The following RETREG1 variants were observed in gnomAD, a reference collection of about 807,000 sequenced individuals.
RETREG1 encodes family with sequence similarity 134 member B.
RETREG1 carries 44 observed loss-of-function variants against 54.8 expected under a neutral mutation model. The observed-to-expected ratio is 0.80, with a 90% CI of 0.63 to 1.03. The LOEUF is 1.03. Among genes scored for constraint, RETREG1 ranks in the 50% least tolerant of loss-of-function variants. The pLI is 0.00. For missense variants in RETREG1, 554 were observed against 605.1 expected (o/e 0.92, Z 0.89); for synonymous variants, 217 against 238.5 (o/e 0.91, Z 0.83).
In RETREG1 at chr5:16,553,322, C is replaced by T. The variant is rs1042560983; in HGVS notation, c.458+12441G>A. Among the ~76,000 whole-genome samples, 7 of 59,642 alleles carry T rather than the reference C, an allele frequency of 1.2e-4. No individual in the cohort carries two copies. The East Asian group carries it at 1.6e-3, about 13-fold the overall frequency. 39.1% of individuals were successfully genotyped at this position (59,642 alleles called of 152,430 possible). On this transcript the variant is annotated intron_variant, in intron 3 of 8. Coordinates refer to ENST00000306320, the MANE Select transcript of RETREG1 (RefSeq NM_001034850.3). ...CAACACAACTGATCTTTTTAAAAAA[C>T]GTGTAAGAAAAAAAAACACTAGTCC... is the stretch of plus-strand genomic sequence containing the variant.
intron 1 of RETREG1, among the ~76,000 whole-genome samples, chr5:16,575,343 T>C (rs1464396026): frequency 6.6e-6 from 1 of 152,186 alleles, no homozygotes; most frequent in East Asian, 1.9e-4. Context: ...AACAGCATGC[T>C]TCCTTAGAAT....
intron 3 of RETREG1, among the ~76,000 whole-genome samples, chr5:16,506,447 C>T (rs1291537087): frequency 1.3e-5 from 2 of 151,668 alleles, no homozygotes; most frequent in Non-Finnish European, 2.9e-5. Context: ...GAGTCAAATT[C>T]CTGTTCCATT....
intron 1 of RETREG1, among the ~76,000 whole-genome samples, chr5:16,607,024 C>T (rs994057910): frequency 1.3e-5 from 2 of 151,870 alleles, no homozygotes; most frequent in Non-Finnish European, 2.9e-5. Context: ...TGGAACACTC[C>T]CCTCCAGAGT....
intron 2 of RETREG1, among the ~76,000 whole-genome samples, chr5:16,568,790 G>A (rs1254543414): frequency 1.3e-5 from 2 of 152,028 alleles, no homozygotes; most frequent in African/African-American, 2.4e-5. Context: ...CAACATGCAC[G>A]GGAAACAATA....
intron 2 of RETREG1, among the ~76,000 whole-genome samples, chr5:16,571,015 G>A (rs1010445195): frequency 2.6e-5 from 4 of 151,078 alleles, no homozygotes; most frequent in East Asian, 3.9e-4. Flanking sequence ...GGAAACACAC[G>A]AATATAAAAC....
intron 3 of RETREG1, among the ~76,000 whole-genome samples, chr5:16,492,229 T>TCTCTCA (rs1406702350): frequency 0.027 from 2,929 of 110,512 alleles, 119 homozygotes; most frequent in African/African-American, 0.086. Flanking sequence ...TCTCTCTCTC[T>TCTCTCA]CACACACACA....
At chr5:16,555,714 A>G (rs939935467) in intron 3 of RETREG1, among the ~76,000 whole-genome samples, 3 of 152,118 alleles carry the variant, frequency 2.0e-5, no homozygotes, top group Non-Finnish European at 4.4e-5. Flanking sequence ...ACAATTGGGG[A>G]AAAATTAAAG....
In RETREG1 at chr5:16,474,522, T is replaced by C. The variant is rs372254630; in HGVS notation, c.*219A>G. On this transcript the variant is annotated 3_prime_UTR_variant, in exon 9 of 9. Coordinates refer to ENST00000306320, the MANE Select transcript of RETREG1 (RefSeq NM_001034850.3). The stretch of plus-strand genomic sequence containing the variant: ...AACACAGTGGTGTGTATAAAGTTCA[T>C]TTCCATGCTTATTACACAAAAATAA... 14 of 593,766 alleles carry C rather than the reference T, an allele frequency of 2.4e-5. 2 individuals are homozygous for C. Among genetic ancestry groups the C allele is most frequent in the African/African-American group, 7.5e-5 (4 of 53,582 alleles). The allele number at this position is 593,766 out of a possible 1,614,324, so 36.8% of individuals were successfully genotyped here.
intron 3 of RETREG1, among the ~76,000 whole-genome samples, chr5:16,518,630 T>C (rs1054263976): frequency 6.6e-6 from 1 of 152,216 alleles, no homozygotes; most frequent in African/African-American, 2.4e-5. Context: ...CAGGGTTCCC[T>C]GTCCCTACAG....
chr5:16,550,042 T>C (rs1227143649), intron 3 of RETREG1, among the ~76,000 whole-genome samples: 5 of 152,166 alleles, frequency 3.3e-5, no homozygotes, highest in African/African-American at 4.8e-5. Flanking sequence ...TGCAGGATTA[T>C]AAGTCCTCTC....
At chr5:16,607,160 T>C (rs1391389306) in intron 1 of RETREG1, among the ~76,000 whole-genome samples, 1 of 152,212 alleles carries the variant, frequency 6.6e-6, no homozygotes, top group Non-Finnish European at 1.5e-5. Flanking sequence ...GTCCTTGCTT[T>C]AGTTTTCTTC....
At chr5:16,499,903 T>C (rs954805350) in intron 3 of RETREG1, among the ~76,000 whole-genome samples, 15 of 152,326 alleles carry the variant, frequency 9.8e-5, no homozygotes, top group Admixed American at 9.2e-4. Context: ...TGCAGTCTGG[T>C]AATGCCTCCC....
intron 1 of RETREG1, among the ~76,000 whole-genome samples, chr5:16,575,598 A>G (rs1174956766): frequency 2.0e-5 from 3 of 152,262 alleles, no homozygotes; most frequent in Non-Finnish European, 4.4e-5. Flanking sequence ...GCCAGACTTC[A>G]TTTGGAAGGC....
chr5:16,476,216 A>T (rs560276715), intron 8 of RETREG1, among the ~76,000 whole-genome samples: 8 of 152,274 alleles, frequency 5.3e-5, no homozygotes, highest in Non-Finnish European at 7.4e-5. Flanking sequence ...GCAAGACTCC[A>T]CTTGGGTCTT....
chr5:16,599,639 T>G (rs1561135118), intron 1 of RETREG1, among the ~76,000 whole-genome samples: 2 of 152,168 alleles, frequency 1.3e-5, no homozygotes, highest in Non-Finnish European at 2.9e-5. Flanking sequence ...CTGGGATACA[T>G]GCCTGAAGCA....
intron 1 of RETREG1, among the ~76,000 whole-genome samples, chr5:16,591,799 C>T (rs572471969): frequency 6.6e-6 from 1 of 152,324 alleles, no homozygotes; most frequent in South Asian, 2.1e-4. Context: ...GCCATATTTA[C>T]TCTCCAAACA....
intron 1 of RETREG1, among the ~76,000 whole-genome samples, chr5:16,611,282 A>G (rs1275476865): frequency 6.6e-6 from 1 of 152,208 alleles, no homozygotes. Flanking sequence ...GAGGGATAGC[A>G]TTAGGAGATA....
chr5:16,602,729 C>T (rs562323267), intron 1 of RETREG1, among the ~76,000 whole-genome samples: 22 of 152,182 alleles, frequency 1.4e-4, no homozygotes, highest in African/African-American at 4.8e-4. Context: ...ACTTAGAGGC[C>T]GGGTGCAGTG....
chr5:16,527,242 G>T (rs1171947876), intron 3 of RETREG1, among the ~76,000 whole-genome samples: 2 of 152,216 alleles, frequency 1.3e-5, no homozygotes, highest in Non-Finnish European at 2.9e-5. Flanking sequence ...TTGGGGAACT[G>T]GGATTTGAAC....
Sources: allele counts gnomAD v4.1 joint callset (sites outside exome capture counted in the v4.1 genomes callset), GRCh38; gene constraint gnomAD v4.1.1; transcripts MANE v1.5; gene names NCBI Gene and HGNC (gene_info 2026-07-23, HGNC 2026-07-21).